The following LARGE1 variants were observed in gnomAD, a reference collection of about 807,000 sequenced individuals.
LARGE1 encodes LARGE xylosyl- and glucuronyltransferase 1.
Under a neutral mutation model 87.6 loss-of-function variants are expected in LARGE1, and 43 were observed. That is an observed-to-expected ratio of 0.49 (90% confidence interval 0.38 to 0.63). LARGE1 has a LOEUF of 0.63. Among genes scored for constraint, LARGE1 ranks in the 30% least tolerant of loss-of-function variants. The probability of loss-of-function intolerance (pLI) is 0.00; values close to 1 mark genes in which losing one functional copy is unlikely to be tolerated. For missense variants in LARGE1, 802 were observed against 1,000.2 expected (o/e 0.80, Z 2.67); for synonymous variants, 434 against 394.6 (o/e 1.10, Z -1.18).
At chr22:33,466,037 G>C (rs566764612) in intron 6 of LARGE1, among the ~76,000 whole-genome samples, 1 of 152,008 alleles carries the variant, frequency 6.6e-6, no homozygotes, top group Non-Finnish European at 1.5e-5. Flanking sequence ...TAGCCTATAC[G>C]TCCCTACCCA....
intron 11 of LARGE1, among the ~76,000 whole-genome samples, chr22:33,242,487 T>C (rs1397192180): frequency 6.6e-6 from 1 of 152,210 alleles, no homozygotes. Context: ...CTGTACTTTT[T>C]AAAGCTATTT....
intron 11 of LARGE1, among the ~76,000 whole-genome samples, chr22:33,222,734 C>T (rs1167136494): frequency 1.3e-5 from 2 of 152,126 alleles, no homozygotes; most frequent in African/African-American, 4.8e-5. Context: ...CATGGTCTTG[C>T]CCACACTTTG....
chr22:33,121,009 T>A, the LARGE1 span, among the ~76,000 whole-genome samples: 11 of 151,938 alleles, frequency 7.2e-5, no homozygotes, highest in East Asian at 2.1e-3. Context: ...GAGTAGCAGG[T>A]TTAAAACCTG....
intron 1 of LARGE1, among the ~76,000 whole-genome samples, chr22:33,782,900 G>A (rs678594): frequency 0.89 from 119,231 of 133,552 alleles, 53,373 homozygotes; most frequent in East Asian, 0.96. Context: ...AAAAAAAAAA[G>A]AGAGAGAGAG....
At chr22:33,301,812 C>T (rs1934183709) in intron 12 of LARGE1, among the ~76,000 whole-genome samples, 1 of 152,230 alleles carries the variant, frequency 6.6e-6, no homozygotes, top group African/African-American at 2.4e-5. Context: ...GAAGGGCACA[C>T]TAGCTACCTC....
At chr22:33,479,841 T>A (rs1015829398) in intron 6 of LARGE1, among the ~76,000 whole-genome samples, 1 of 150,890 alleles carries the variant, frequency 6.6e-6, no homozygotes, top group Non-Finnish European at 1.5e-5. Context: ...GTGTCCCAGG[T>A]TTAAGCAATT....
At chr22:33,523,283 C>T (rs1369021514) in intron 6 of LARGE1, among the ~76,000 whole-genome samples, 2 of 151,956 alleles carry the variant, frequency 1.3e-5, no homozygotes, top group Admixed American at 1.3e-4. Context: ...CTTGACCTCC[C>T]AAAGGCGTGA....
At chr22:33,895,079 G>T (rs2065101316) in intron 1 of LARGE1, among the ~76,000 whole-genome samples, 1 of 152,128 alleles carries the variant, frequency 6.6e-6, no homozygotes, top group South Asian at 2.1e-4. Flanking sequence ...GGGTGCTGTG[G>T]GGGATGGGGA....
chr22:33,808,532 A>G (rs1197050661), intron 1 of LARGE1, among the ~76,000 whole-genome samples: 1 of 152,234 alleles, frequency 6.6e-6, no homozygotes, highest in Non-Finnish European at 1.5e-5. Flanking sequence ...TAATATGCAA[A>G]TGAAATCAAA....
intron 2 of LARGE1, among the ~76,000 whole-genome samples, chr22:33,695,726 GT>G (rs1482605769): frequency 6.6e-6 from 1 of 152,102 alleles, no homozygotes; most frequent in African/African-American, 2.4e-5. Flanking sequence ...ATGTTTATGG[GT>G]TTTTTCCCCG....
At chr22:33,210,758 T>C (rs1924920643) in intron 11 of LARGE1, among the ~76,000 whole-genome samples, 1 of 152,204 alleles carries the variant, frequency 6.6e-6, no homozygotes, top group African/African-American at 2.4e-5. Flanking sequence ...AGGTGAATGG[T>C]GGACCTCTCT....
At chr22:33,581,163 CATT>C (rs1211904550) in intron 5 of LARGE1, among the ~76,000 whole-genome samples, 1 of 152,158 alleles carries the variant, frequency 6.6e-6, no homozygotes, top group Non-Finnish European at 1.5e-5. Flanking sequence ...TTAGAAACAT[CATT>C]GTCTCAAATT....
chr22:33,308,312 T>C (rs1935172336), intron 11 of LARGE1, among the ~76,000 whole-genome samples: 1 of 152,172 alleles, frequency 6.6e-6, no homozygotes, highest in African/African-American at 2.4e-5. Flanking sequence ...CATTCTAATC[T>C]GGTGCACTGC....
At chr22:33,759,537 T>G (rs997618322) in intron 2 of LARGE1, among the ~76,000 whole-genome samples, 3 of 152,172 alleles carry the variant, frequency 2.0e-5, no homozygotes, top group Admixed American at 6.5e-5. Context: ...AGTAAACATA[T>G]GTAGAAGTCC....
intron 6 of LARGE1, among the ~76,000 whole-genome samples, chr22:33,525,317 T>G (rs933652243): frequency 6.6e-6 from 1 of 152,160 alleles, no homozygotes; most frequent in Non-Finnish European, 1.5e-5. Context: ...CCCAGGCCCA[T>G]AGTACTGCCT....
chr22:33,281,456 C>T (rs930500571), intron 13 of LARGE1, among the ~76,000 whole-genome samples: 1 of 152,030 alleles, frequency 6.6e-6, no homozygotes, highest in Non-Finnish European at 1.5e-5. Context: ...ACACAGGTTC[C>T]TCAGACCTGG....
At chr22:33,382,486 T>C (rs1021893571) in intron 8 of LARGE1, among the ~76,000 whole-genome samples, 7 of 152,040 alleles carry the variant, frequency 4.6e-5, no homozygotes, top group African/African-American at 1.7e-4. Flanking sequence ...AAATTACAGA[T>C]CCTCCCTTTC....
At chr22:33,844,965 G>A (rs1430151682) in intron 1 of LARGE1, among the ~76,000 whole-genome samples, 7 of 151,954 alleles carry the variant, frequency 4.6e-5, no homozygotes, top group South Asian at 2.1e-4. Flanking sequence ...TGAGCCACCC[G>A]CCTCGGCCTC....
rs181900804 is a variant in LARGE1 at position 33,536,721 on chromosome 22, T to C, written c.787+28127A>G. On this transcript the variant is annotated intron_variant, in intron 6 of 14. Transcript: ENST00000397394. The stretch of plus-strand genomic sequence containing the variant: ...CCCGATGAGGCTGCCACGTCAGGCA[T>C]GATGACTCCCATCTATCCCCGTTTT... Among the ~76,000 whole-genome samples, 184 of 152,390 alleles carry C rather than the reference T, an allele frequency of 1.2e-3. 1 individual carries two copies. Among genetic ancestry groups the C allele is most frequent in the Non-Finnish European group, 1.5e-3 (103 of 68,042 alleles).
Sources: allele counts gnomAD v4.1 joint callset (sites outside exome capture counted in the v4.1 genomes callset), GRCh38; gene constraint gnomAD v4.1.1; transcripts MANE v1.5; gene names NCBI Gene and HGNC (gene_info 2026-07-23, HGNC 2026-07-21).